Variants in AKAP6 observed in about 807,000 individuals in gnomAD.
AKAP6 encodes the protein A-kinase anchor protein 6.
In AKAP6, 58 loss-of-function variants were observed where a neutral mutation model predicts 188.5. The observed-to-expected ratio is 0.31, with a 90% confidence interval of 0.25 to 0.38. The LOEUF (loss-of-function observed/expected upper bound fraction) is 0.38, where lower values mean the gene tolerates loss of function less well. Ranked by LOEUF, AKAP6 falls within the 10% of genes least tolerant of loss-of-function variation. The pLI is 1.00. For missense variants in AKAP6, 2,710 were observed against 2,740.0 expected (o/e 0.99, Z 0.24); for synonymous variants, 989 against 998.6 (o/e 0.99, Z 0.18).
chr14:32,664,189 C>T lies in AKAP6; in HGVS notation c.2731-14122C>T, dbSNP rs573157960. On this transcript the variant is annotated intron_variant, in intron 7 of 13. Coordinates refer to ENST00000280979, the MANE Select transcript of AKAP6 (RefSeq NM_004274.5). ...TGTATATTTGTATTTTTTAAGTCTC[C>T]TCTGAATATAATAGCAAAGAGGTAG... Among the ~76,000 whole-genome samples, 14 of 152,174 alleles carry T rather than the reference C, an allele frequency of 9.2e-5. No homozygotes were observed. The South Asian group carries it at 2.9e-3, about 32-fold the overall frequency.
intron 9 of AKAP6, among the ~76,000 whole-genome samples, chr14:32,702,873 C>T (rs1224894222): frequency 7.2e-5 from 11 of 152,132 alleles, no homozygotes. Flanking sequence ...TCAGGGCCCT[C>T]CTTTTGGCAG....
chr14:32,806,998 G>A (rs2034105344), intron 12 of AKAP6, among the ~76,000 whole-genome samples: 1 of 151,986 alleles, frequency 6.6e-6, no homozygotes, highest in African/African-American at 2.4e-5. Context: ...AGGTTGCCGT[G>A]AGCCATGATG....
chr14:32,453,181 T>A (rs1890994631), intron 2 of AKAP6, among the ~76,000 whole-genome samples: 1 of 152,214 alleles, frequency 6.6e-6, no homozygotes, highest in African/African-American at 2.4e-5. Flanking sequence ...ATAATTTTTG[T>A]TTTAATCTGA....
At chr14:32,680,159 G>A (rs1026463012) in intron 8 of AKAP6, among the ~76,000 whole-genome samples, 20 of 152,144 alleles carry the variant, frequency 1.3e-4, no homozygotes, top group African/African-American at 4.6e-4. Context: ...GTGGGAGTAG[G>A]TGAACTTGCC....
chr14:32,421,585 G>C (rs1308513958), intron 1 of AKAP6, among the ~76,000 whole-genome samples: 1 of 151,772 alleles, frequency 6.6e-6, no homozygotes, highest in South Asian at 2.1e-4. Flanking sequence ...ATTTTCCATG[G>C]ATGGTGTGTT....
chr14:32,411,508 A>G lies in AKAP6; in HGVS notation c.-34-21952A>G, dbSNP rs191352506. ...AGAGACCCTCTATTTTATTCTCTGC[A>G]TAGAGAGGCAGACTCCCAAGAGAGG... On this transcript the variant is annotated intron_variant, in intron 1 of 13. Transcript: ENST00000280979. 1.3e-3 allele frequency among the ~76,000 whole-genome samples: 198 copies of G among 152,222 alleles called. 1 individual carries two copies. Among genetic ancestry groups the G allele is most frequent in the Non-Finnish European group, 1.6e-3 (107 of 68,000 alleles).
chr14:32,330,639 T>C (rs12883281), intron 1 of AKAP6, among the ~76,000 whole-genome samples: 2,825 of 151,832 alleles, frequency 0.019, 37 homozygotes, highest in Non-Finnish European at 0.031. Context: ...CCTCTTCTTT[T>C]AGTCTGTTTA....
chr14:32,329,913 T>G (rs985746579), intron 1 of AKAP6, among the ~76,000 whole-genome samples: 1 of 152,102 alleles, frequency 6.6e-6, no homozygotes, highest in Non-Finnish European at 1.5e-5. Context: ...AACCCTGATG[T>G]GAAAGGGGAT....
At chr14:32,789,460 A>G (rs1001164063) in intron 12 of AKAP6, among the ~76,000 whole-genome samples, 1 of 152,158 alleles carries the variant, frequency 6.6e-6, no homozygotes, top group Non-Finnish European at 1.5e-5. Context: ...GCCACCTTCT[A>G]CAGGTGTGGT....
chr14:32,460,930 T>G (rs1891301890), intron 2 of AKAP6, among the ~76,000 whole-genome samples: 1 of 152,194 alleles, frequency 6.6e-6, no homozygotes, highest in African/African-American at 2.4e-5. Context: ...AGTTTTCCCC[T>G]GACAGTGCTA....
rs755881008 is a variant in AKAP6 at position 32,433,829 on chromosome 14, T to C, written c.324+12T>C. 6.2e-7 allele frequency: 1 copy of C among 1,607,332 alleles called. No homozygotes were observed. The highest frequency in any genetic ancestry group is 8.5e-7 in the Non-Finnish European group (1 of 1,177,576). On this transcript the variant is annotated intron_variant, in intron 2 of 13. Transcript: ENST00000280979. The stretch of plus-strand genomic sequence containing the variant: ...TAGTTCAACTAAAGGTAAGGCAAGG[T>C]CTGTGATCCTCTCAGGATAGAAGTT...
Position 32,725,898 on chromosome 14 carries a change from A to G in AKAP6, c.3001-6556A>G, listed in dbSNP as rs368229654. ...CATTTCCTGTTTAATTGATGAAGTTAAAGTCCTTGGTTGCTAATGAGTGTA... is the reference window on the plus strand; with the variant it reads ...CATTTCCTGTTTAATTGATGAAGTTGAAGTCCTTGGTTGCTAATGAGTGTA... On this transcript the variant is annotated intron_variant, in intron 9 of 13. Transcript: ENST00000280979. Among the ~76,000 whole-genome samples the G allele has an allele frequency of 2.4e-4, 36 of 152,328 alleles. 2 individuals carry two copies. In the South Asian group the frequency reaches 7.2e-3, roughly 31 times the overall value.
In AKAP6 at chr14:32,465,947, A is replaced by C. The variant is rs1878394987; in HGVS notation, c.324+32130A>C. Among the ~76,000 whole-genome samples, 3 of 152,358 alleles carry C rather than the reference A, an allele frequency of 2.0e-5. No individual in the cohort carries two copies. The South Asian group carries it at 6.2e-4, about 32-fold the overall frequency. On this transcript the variant is annotated intron_variant, in intron 2 of 13. Coordinates refer to ENST00000280979, the MANE Select transcript of AKAP6 (RefSeq NM_004274.5). ...GAACAGACACTTCTCAAAAGAAGAC[A>C]TTTATGCAGCCAACAAACATATGAA...
chr14:32,823,776 C>T lies in AKAP6; in HGVS notation c.5963C>T (p.Ala1988Val), dbSNP rs867963094. ...TPTEKSFSEL[A>V]LETRFNNRQD... ...ACTGAGAAGTCTTTCTCAGAACTGG[C>T]TTTAGAAACCAGGTTTAACAACAGA... Residue 1988 changes from alanine to valine, a missense_variant, in exon 13 of 14, where the codon GCT becomes GTT. By Grantham distance (64) the Ala-to-Val change is moderately conservative. Transcript: ENST00000280979. 1 of 1,613,568 alleles carries T rather than the reference C, an allele frequency of 6.2e-7. No homozygotes were observed. Among genetic ancestry groups the T allele is most frequent in the Non-Finnish European group, 8.5e-7 (1 of 1,179,918 alleles).
At chr14:32,343,378 C>T (rs1463758178) in intron 1 of AKAP6, among the ~76,000 whole-genome samples, 1 of 151,660 alleles carries the variant, frequency 6.6e-6, no homozygotes, top group African/African-American at 2.4e-5. Context: ...CCTGCCTTGC[C>T]CTGGTTTTAG....
chr14:32,353,817 GACAA>G (rs1396665901), intron 1 of AKAP6, among the ~76,000 whole-genome samples: 3 of 152,008 alleles, frequency 2.0e-5, no homozygotes, highest in Non-Finnish European at 2.9e-5. Flanking sequence ...GCCAATAACA[GACAA>G]ACAGAGAGCC....
intron 1 of AKAP6, among the ~76,000 whole-genome samples, chr14:32,348,550 G>A (rs1887154866): frequency 6.6e-6 from 1 of 151,812 alleles, no homozygotes; most frequent in Non-Finnish European, 1.5e-5. Context: ...GAGTAGCTGG[G>A]ATTACAGGCG....
intron 2 of AKAP6, among the ~76,000 whole-genome samples, chr14:32,519,202 C>T (rs1881684788): frequency 6.6e-6 from 1 of 152,154 alleles, no homozygotes; most frequent in South Asian, 2.1e-4. Flanking sequence ...AAGCACTGAA[C>T]ATGGAAAGGA....
intron 1 of AKAP6, among the ~76,000 whole-genome samples, chr14:32,368,204 A>G (rs1887896537): frequency 6.6e-6 from 1 of 152,122 alleles, no homozygotes. Context: ...TGGTACCTAG[A>G]ACTGAACATA....
Sources: gnomAD v4.1 joint callset for allele counts (sites outside exome capture counted in the v4.1 genomes callset) on GRCh38, gnomAD v4.1.1 for gene constraint, MANE v1.5 for transcripts, NCBI Gene and HGNC (gene_info 2026-07-23, HGNC 2026-07-21) for gene names.